TAFA2: variants seen among roughly 807,000 people sequenced by gnomAD.
TAFA2 encodes TAFA chemokine like family member 2.
A neutral mutation model predicts 18.8 loss-of-function variants in TAFA2; 7 were observed. The ratio of observed to expected loss-of-function variants is 0.37; its 90% CI spans 0.21 to 0.70. The LOEUF (loss-of-function observed/expected upper bound fraction) is 0.70, where lower values mean the gene tolerates loss of function less well. Ranked by LOEUF, TAFA2 falls within the 30% of genes least tolerant of loss-of-function variation. The pLI, the probability that TAFA2 is intolerant of heterozygous loss-of-function variation, is 0.53. For synonymous variants in TAFA2, 60 were observed against 54.2 expected, an observed-to-expected ratio of 1.11 and a Z score of -0.47; for missense variants, 122 against 158.1, an observed-to-expected ratio of 0.77 and a Z score of 1.23.
intron 1 of TAFA2, among the ~76,000 whole-genome samples, chr12:62,053,871 T>G (rs1458354926): frequency 6.6e-6 from 1 of 152,222 alleles, no homozygotes; most frequent in African/African-American, 2.4e-5. Flanking sequence ...ATAATATTTA[T>G]AATCCACTAC....
upstream of TAFA2, among the ~76,000 whole-genome samples, chr12:62,196,998 G>A (rs936137810): frequency 1.3e-5 from 2 of 152,222 alleles, no homozygotes; most frequent in Non-Finnish European, 2.9e-5. Flanking sequence ...GTGGGCAAAT[G>A]AGCATTACCG....
At position 61,708,304 on chromosome 12, in the gene TAFA2, T is replaced by C. The variant is rs779999822; in HGVS notation, c.*2102A>G. 5.9e-5 allele frequency: 9 copies of C among 152,124 alleles called. No homozygotes were observed. The highest frequency in any genetic ancestry group is 8.8e-5 in the Non-Finnish European group (6 of 67,988). The allele number at this position is 152,124 out of a possible 1,614,324, so 9.4% of individuals were successfully genotyped here. ...TTATATCCCAATTTTATTCACCTTT[T>C]CTGAATAGTCACAACATTAATCTAC... On this transcript the variant is annotated 3_prime_UTR_variant, in exon 5 of 5. Transcript: ENST00000416284.
At chr12:61,985,898 T>G (rs925942820) in intron 1 of TAFA2, among the ~76,000 whole-genome samples, 8 of 152,192 alleles carry the variant, frequency 5.3e-5, no homozygotes, top group Non-Finnish European at 1.0e-4. Context: ...CTGGTTATGC[T>G]TCATTTTTTA....
chr12:61,859,685 G>A (rs1338418281), intron 2 of TAFA2, among the ~76,000 whole-genome samples: 2 of 151,976 alleles, frequency 1.3e-5, no homozygotes, highest in South Asian at 2.1e-4. Flanking sequence ...CTCGTGATCC[G>A]CCCGCCTCGG....
chr12:61,875,891 T>C (rs1262698210), intron 1 of TAFA2, among the ~76,000 whole-genome samples: 1 of 152,126 alleles, frequency 6.6e-6, no homozygotes, highest in Non-Finnish European at 1.5e-5. Flanking sequence ...TCCTGCATGA[T>C]CTGGAGATGA....
chr12:61,898,893 C>G (rs1457631781), intron 1 of TAFA2, among the ~76,000 whole-genome samples: 1 of 152,202 alleles, frequency 6.6e-6, no homozygotes, highest in Admixed American at 6.5e-5. Context: ...ACGTTTTATG[C>G]TCTCTGCTCC....
chr12:61,743,227 C>T (rs904692110), intron 4 of TAFA2, among the ~76,000 whole-genome samples: 1 of 151,930 alleles, frequency 6.6e-6, no homozygotes, highest in African/African-American at 2.4e-5. Context: ...GTTTTGATAG[C>T]TTGATGTAGA....
At chr12:61,967,361 G>A (rs1234372016) in intron 1 of TAFA2, among the ~76,000 whole-genome samples, 1 of 151,756 alleles carries the variant, frequency 6.6e-6, no homozygotes, top group African/African-American at 2.4e-5. Context: ...AGATTCTATA[G>A]CAGAGCAAGG....
chr12:62,029,397 A>T (rs1010227134), intron 1 of TAFA2, among the ~76,000 whole-genome samples: 2 of 152,166 alleles, frequency 1.3e-5, no homozygotes, highest in Non-Finnish European at 2.9e-5. Flanking sequence ...ATTGATAAGA[A>T]AATTATGTTT....
At chr12:61,960,868 A>T (rs1242392302) in intron 1 of TAFA2, among the ~76,000 whole-genome samples, 1 of 151,898 alleles carries the variant, frequency 6.6e-6, no homozygotes, top group Non-Finnish European at 1.5e-5. Context: ...CAACCTGATG[A>T]AAATAGAAAA....
chr12:61,875,226 C>T (rs1288741679), intron 1 of TAFA2, among the ~76,000 whole-genome samples: 1 of 152,024 alleles, frequency 6.6e-6, no homozygotes, highest in African/African-American at 2.4e-5. Flanking sequence ...TTACTCTTTT[C>T]TCAGTGACTG....
At chr12:62,031,845 G>A (rs140473106) in intron 1 of TAFA2, among the ~76,000 whole-genome samples, 125 of 152,176 alleles carry the variant, frequency 8.2e-4, no homozygotes, top group African/African-American at 2.8e-3. Flanking sequence ...CTACTTTATT[G>A]TTAGTCTTAA....
intron 2 of TAFA2, among the ~76,000 whole-genome samples, chr12:61,762,633 T>TTA (rs55985443): frequency 0.023 from 3,425 of 147,590 alleles, 57 homozygotes; most frequent in Non-Finnish European, 0.034. Context: ...ATTTCATTTT[T>TTA]TATATATATA....
intron 1 of TAFA2, among the ~76,000 whole-genome samples, chr12:62,075,568 C>G (rs1041995066): frequency 6.6e-6 from 1 of 152,126 alleles, no homozygotes; most frequent in African/African-American, 2.4e-5. Flanking sequence ...AGTGAAGCTG[C>G]CAGTCAGATA....
chr12:61,730,541 G>T (rs974214756), intron 4 of TAFA2, among the ~76,000 whole-genome samples: 3 of 152,050 alleles, frequency 2.0e-5, no homozygotes, highest in Non-Finnish European at 4.4e-5. Flanking sequence ...TGGGTGCAGG[G>T]TTAGGTGTGT....
chr12:62,130,600 A>T (rs1047252775), intron 1 of TAFA2, among the ~76,000 whole-genome samples: 1 of 151,892 alleles, frequency 6.6e-6, no homozygotes, highest in Non-Finnish European at 1.5e-5. Context: ...TTTTCGTTTC[A>T]CTGGACATTT....
chr12:62,100,795 G>A (rs1267207823), intron 1 of TAFA2, among the ~76,000 whole-genome samples: 1 of 152,132 alleles, frequency 6.6e-6, no homozygotes, highest in African/African-American at 2.4e-5. Context: ...CCAGTTATAT[G>A]GACTACTAGG....
chr12:61,754,373 G>A (rs1245099132), intron 3 of TAFA2, among the ~76,000 whole-genome samples: 1 of 151,482 alleles, frequency 6.6e-6, no homozygotes, highest in Admixed American at 6.6e-5. Context: ...CTATAATTAG[G>A]TGAACCCTCA....
chr12:62,130,658 C>CGGTTGACA (rs1482811447), intron 1 of TAFA2, among the ~76,000 whole-genome samples: 2 of 152,008 alleles, frequency 1.3e-5, no homozygotes, highest in South Asian at 2.1e-4. Flanking sequence ...ACATTCACAG[C>CGGTTGACA]GGTTGACAGT....
Sources: allele counts gnomAD v4.1 joint callset (sites outside exome capture counted in the v4.1 genomes callset), GRCh38; gene constraint gnomAD v4.1.1; transcripts MANE v1.5; gene names NCBI Gene and HGNC (gene_info 2026-07-23, HGNC 2026-07-21).